PCDHGA8: variants seen among roughly 807,000 people sequenced by gnomAD.
The protein encoded by PCDHGA8 is protocadherin gamma-A8.
In PCDHGA8, 45 loss-of-function variants were observed where a neutral mutation model predicts 59.2. The ratio of observed to expected loss-of-function variants is 0.76; its 90% confidence interval spans 0.60 to 0.98. The LOEUF is 0.98. PCDHGA8 is among the 50% of genes least tolerant of loss of function. The probability of loss-of-function intolerance (pLI) is 0.00; values close to 1 mark genes in which losing one functional copy is unlikely to be tolerated. For synonymous variants in PCDHGA8, 531 were observed against 519.0 expected (o/e 1.02, Z -0.32); for missense variants, 1,257 against 1,196.2 (o/e 1.05, Z -0.75).
rs1008664105 is a variant in PCDHGA8, at chr5:141,432,402, T to C, written c.2424+37165T>C. 6.2e-7 allele frequency: 1 copy of C among 1,614,194 alleles called. No homozygotes were observed. The highest frequency in any genetic ancestry group is 1.1e-5 in the South Asian group (1 of 91,082). On this transcript the variant is annotated intron_variant, in intron 1 of 3. Transcript: ENST00000398604. The surrounding 1 kb of genome is among the most constrained non-coding windows in gnomAD (Gnocchi z 6.0). ...CCGCCCCTCAGCAGCAACGTGTCGT[T>C]GAGCCTGTTCGTGCTGGACCAGAAC...
chr5:141,421,916 G>T (rs754653877), intron 1 of PCDHGA8: 1 of 1,613,528 alleles, frequency 6.2e-7, no homozygotes. Flanking sequence ...GTTCCCATTC[G>T]TGTGGTGGTC....
At position 141,511,462 on chromosome 5, in the gene PCDHGA8, C is replaced by A. The variant is rs1385398410; in HGVS notation, c.*289C>A. ...AGACACCAAGAACCATTTGCCACAC[C>A]CCGTTTAGTTACAGCTGAACTCCTC... On this transcript the variant is annotated 3_prime_UTR_variant, in exon 4 of 4. Coordinates refer to ENST00000398604, the MANE Select transcript of PCDHGA8 (RefSeq NM_032088.2). The A allele has an allele frequency of 4.7e-5, 26 of 556,350 alleles. No individual in the cohort carries two copies. Among genetic ancestry groups the A allele is most frequent in the Non-Finnish European group, 9.1e-6 (3 of 329,202 alleles). 34.5% of individuals were successfully genotyped at this position (556,350 alleles called of 1,614,324 possible). A position where few individuals can be genotyped will look rare whatever the true frequency, so the allele number is the denominator to read the frequency against.
In PCDHGA8 at chr5:141,476,042, T is replaced by C. The variant is rs199923442; in HGVS notation, c.2425-18765T>C. On this transcript the variant is annotated intron_variant, in intron 1 of 3. Coordinates refer to ENST00000398604, the MANE Select transcript of PCDHGA8 (RefSeq NM_032088.2). The surrounding 1 kb of genome is among the most constrained non-coding windows in gnomAD (Gnocchi z 7.6). Reference sequence around the variant, plus strand: ...GACTCGGCGCCCAGCGCCCAAGCGCTAACCCGCTGAAAGTTTCTCAGCGAA... The same window carrying C: ...GACTCGGCGCCCAGCGCCCAAGCGCCAACCCGCTGAAAGTTTCTCAGCGAA... 1.4e-5 allele frequency: 21 copies of C among 1,491,832 alleles called. No individual in the cohort carries two copies. The highest frequency in any genetic ancestry group is 2.7e-6 in the Non-Finnish European group (3 of 1,123,808). 92.4% of individuals were successfully genotyped at this position (1,491,832 alleles called of 1,614,324 possible). A position where few individuals can be genotyped will look rare whatever the true frequency, so the allele number is the denominator to read the frequency against.
intron 1 of PCDHGA8, among the ~76,000 whole-genome samples, chr5:141,456,083 G>A (rs2098842632): frequency 6.6e-6 from 1 of 151,960 alleles, no homozygotes; most frequent in South Asian, 2.1e-4. Context: ...ATTTTCAGTA[G>A]AGACGGGATT....
At chr5:141,409,511 A>C in intron 1 of PCDHGA8, 1 of 1,614,018 alleles carries the variant, frequency 6.2e-7, no homozygotes, top group Non-Finnish European at 8.5e-7. Flanking sequence ...TTCCAGTAGA[A>C]GCATCACCTT....
At chr5:141,430,551 C>T (rs2097292247) in intron 1 of PCDHGA8, 2 of 406,412 alleles carry the variant, frequency 4.9e-6, no homozygotes, top group Admixed American at 4.1e-5. Context: ...CCGCTGTTCA[C>T]CAATCGGGGA....
rs779718690 is a variant in PCDHGA8, at chr5:141,421,727, C to G, written c.2424+26490C>G. ...AGGGATCCAGATGTGGGCGTGAACT[C>G]CCTCCAGAGCTACCAGCTCAGCCCT... On this transcript the variant is annotated intron_variant, in intron 1 of 3. Coordinates refer to ENST00000398604, the MANE Select transcript of PCDHGA8 (RefSeq NM_032088.2). The G allele has an allele frequency of 1.9e-6, 3 of 1,613,916 alleles. No individual in the cohort carries two copies. In the East Asian group the frequency reaches 6.7e-5, roughly 36 times the overall value.
At chr5:141,399,627 C>G (rs751717107) in intron 1 of PCDHGA8, 12 of 1,613,906 alleles carry the variant, frequency 7.4e-6, no homozygotes, top group South Asian at 1.1e-5. Context: ...TGGCCTCTTA[C>G]GTGTCCATGA....
At chr5:141,419,449 C>T (rs780917543) in intron 1 of PCDHGA8, 5 of 1,612,958 alleles carry the variant, frequency 3.1e-6, no homozygotes, top group Non-Finnish European at 4.2e-6. Context: ...CCTTCGAGCT[C>T]ACGCTGCAGG....
chr5:141,510,791 A>C (rs1244085822), intron 3 of PCDHGA8, 156 bp from the exon 4 acceptor site: 1 of 929,250 alleles, frequency 1.1e-6, no homozygotes, highest in Non-Finnish European at 1.3e-6. Context: ...AACTCTTGTG[A>C]AGAGAGACTA....
At chr5:141,430,811 A>T in intron 1 of PCDHGA8, 1 of 1,527,400 alleles carries the variant, frequency 6.5e-7, no homozygotes, top group Non-Finnish European at 8.8e-7. Context: ...CCTGCTGGGA[A>T]TCCTCCTGGG....
In PCDHGA8 at chr5:141,418,429, A is replaced by G. The variant is rs765952024; in HGVS notation, c.2424+23192A>G. ...AGAAAGACAATCCTGATGGTGGCAAATATCCAGAATTAGTATTGCAGAAGA... is the reference window on the plus strand; with the variant it reads ...AGAAAGACAATCCTGATGGTGGCAAGTATCCAGAATTAGTATTGCAGAAGA... On this transcript the variant is annotated intron_variant, in intron 1 of 3. Transcript: ENST00000398604. 8.7e-6 allele frequency: 14 copies of G among 1,613,972 alleles called. No homozygotes were observed. In the South Asian group the frequency reaches 1.5e-4, roughly 18 times the overall value.
rs1280755615 is a variant in PCDHGA8 at position 141,431,629 on chromosome 5, A to C, written c.2424+36392A>C. On this transcript the variant is annotated intron_variant, in intron 1 of 3. Transcript: ENST00000398604. This position sits in a 1 kb window ranked among gnomAD's most constrained non-coding sequence, Gnocchi z 4.8. ...GGTATGTGGACGACAAGGCGGCCCA[A>C]GTTTTCAAACTAGATTGTAATTCAG... 6.2e-7 allele frequency: 1 copy of C among 1,614,246 alleles called. No individual in the cohort carries two copies. Among genetic ancestry groups the C allele is most frequent in the South Asian group, 1.1e-5 (1 of 91,090 alleles).
At chr5:141,474,606 T>C (rs1156236978) in intron 1 of PCDHGA8, among the ~76,000 whole-genome samples, 1 of 152,242 alleles carries the variant, frequency 6.6e-6, no homozygotes, top group Non-Finnish European at 1.5e-5. Context: ...ATAGGTCACA[T>C]ATGGCTTTTC....
intron 1 of PCDHGA8, chr5:141,427,884 G>T (rs1346875505): frequency 5.1e-6 from 8 of 1,564,634 alleles, no homozygotes; most frequent in African/African-American, 2.7e-5. Flanking sequence ...GCAGGCCCAC[G>T]ACCAGGGCTC....
Position 141,409,742 on chromosome 5 carries a change from G to A in PCDHGA8, c.2424+14505G>A, listed in dbSNP as rs763304955. On this transcript the variant is annotated intron_variant, in intron 1 of 3. Coordinates refer to ENST00000398604, the MANE Select transcript of PCDHGA8 (RefSeq NM_032088.2). Reference sequence around the variant, plus strand: ...GTCAGTGAGCGCGCAGAGCGGGGTGGTGTTCGCGCAGCGCGCCTTTGATCA... The same window carrying A: ...GTCAGTGAGCGCGCAGAGCGGGGTGATGTTCGCGCAGCGCGCCTTTGATCA... 4.3e-6 allele frequency: 7 copies of A among 1,612,986 alleles called. No individual in the cohort carries two copies. In the South Asian group the frequency reaches 5.5e-5, roughly 13 times the overall value.
Position 141,494,815 on chromosome 5 carries a change from G to A in PCDHGA8, c.2433G>A (p.Pro811=), listed in dbSNP as rs765344906. 1 of 1,613,976 alleles carries A rather than the reference G, an allele frequency of 6.2e-7. No homozygotes were observed. Among genetic ancestry groups the A allele is most frequent in the South Asian group, 1.1e-5 (1 of 91,072 alleles). ...KNEADHGQQA[P]PNTDWRFSQA... The stretch of plus-strand genomic sequence containing the variant: ...CTCTGTTTTCTCCACAGCAAGCCCC[G>A]CCCAACACGGACTGGCGTTTCTCTC... The change falls in exon 2 of 4, where the codon CCG becomes CCA. Residue 811 remains proline, a synonymous_variant. Transcript: ENST00000398604.
rs539719239 is a variant in PCDHGA8, at chr5:141,431,888, G to A, written c.2424+36651G>A. The A allele has an allele frequency of 6.2e-7, 1 of 1,614,200 alleles. No homozygotes were observed. The highest frequency in any genetic ancestry group is 1.7e-5 in the Admixed American group (1 of 60,036). On this transcript the variant is annotated intron_variant, in intron 1 of 3. Coordinates refer to ENST00000398604, the MANE Select transcript of PCDHGA8 (RefSeq NM_032088.2). The surrounding 1 kb of genome is among the most constrained non-coding windows in gnomAD (Gnocchi z 4.8). ...TTTAAATGTAAATGACCAAGATTCT[G>A]AGGAAAACGGACAGGTGATCTGTTT... is the stretch of plus-strand genomic sequence containing the variant.
intron 1 of PCDHGA8, chr5:141,398,776 G>A: frequency 6.2e-7 from 1 of 1,613,904 alleles, no homozygotes; most frequent in Non-Finnish European, 8.5e-7. Flanking sequence ...TGCCTTGGAC[G>A]GTGGACATCC....
Sources: allele counts gnomAD v4.1 joint callset (sites outside exome capture counted in the v4.1 genomes callset), GRCh38; gene constraint gnomAD v4.1.1; non-coding constraint Gnocchi (gnomAD v3.1); transcripts MANE v1.5; gene names NCBI Gene and HGNC (gene_info 2026-07-23, HGNC 2026-07-21).